Variants in COL16A1 observed in about 807,000 individuals in gnomAD.
COL16A1 encodes collagen type XVI alpha 1 chain, also known as collagen alpha-1(XVI) chain.
COL16A1 carries 189 observed loss-of-function variants against 266.3 expected under a neutral mutation model. That is an observed-to-expected ratio of 0.71 (90% CI 0.63 to 0.80). The LOEUF is 0.80. COL16A1 is among the 30% of genes least tolerant of loss of function. The pLI is 0.00. For synonymous variants in COL16A1, 740 were observed against 782.3 expected, an observed-to-expected ratio of 0.95 and a Z score of 0.90; for missense variants, 1,928 against 2,122.4, an observed-to-expected ratio of 0.91 and a Z score of 1.80.
In COL16A1 at chr1:31,672,833, C is replaced by T. The variant is rs770542318; in HGVS notation, c.2867G>A (p.Cys956Tyr). 1.9e-6 allele frequency: 3 copies of T among 1,613,956 alleles called. No homozygotes were observed. The change falls in exon 45 of 71, where the codon TGC becomes TAC. Residue 956 changes from cysteine to tyrosine, a missense_variant. Cys to Tyr is a radical substitution (Grantham distance 194). Around this residue, in one of 2 missense-constraint regions of COL16A1, gnomAD observed 1,552 missense variants for 1,637.2 expected, o/e 0.95. Transcript: ENST00000373672. Reference protein sequence around the residue: ...PIEQHLLKSICGDCVQGQRAH... With the variant: ...PIEQHLLKSIYGDCVQGQRAH... ...CCTCTGCCCCTGGACACAGTCCCCG[C>T]AGATACTCTGATCAGGGAGTGGGGA...
chr1:31,683,467 G>A lies in COL16A1; in HGVS notation c.2380-98C>T, dbSNP rs943635109. ...CAGACCTGGTCTGGGTGGGGTATCTGCCAGCCCAAATTCAGAAGAGCTCCC... is the reference window on the plus strand; with the variant it reads ...CAGACCTGGTCTGGGTGGGGTATCTACCAGCCCAAATTCAGAAGAGCTCCC... On this transcript the variant is annotated intron_variant, in intron 34 of 70. Transcript: ENST00000373672. 1.2e-5 allele frequency: 19 copies of A among 1,603,248 alleles called. No homozygotes were observed. In the African/African-American group the frequency reaches 2.1e-4, roughly 18 times the overall value.
Position 31,692,595 on chromosome 1 carries a change from C to T in COL16A1, c.1158+3G>A. Reference sequence around the variant, plus strand: ...CCTGCCCTATCCCTGGTCCCACACTCACCAGAGCTCCTGACTCCCCCTTCT... The same window carrying T: ...CCTGCCCTATCCCTGGTCCCACACTTACCAGAGCTCCTGACTCCCCCTTCT... On this transcript the variant is annotated splice_donor_region_variant and intron_variant, in intron 15 of 70. Coordinates refer to ENST00000373672, the MANE Select transcript of COL16A1 (RefSeq NM_001856.4). The T allele has an allele frequency of 6.2e-7, 1 of 1,614,150 alleles. No homozygotes were observed. Among genetic ancestry groups the T allele is most frequent in the Non-Finnish European group, 8.5e-7 (1 of 1,179,998 alleles).
In COL16A1 at chr1:31,685,226, A is replaced by AACAGTGATAATAACC. The variant is rs58633693; in HGVS notation, c.2017-385_2017-371dup. ...TGCTGGCCGTTACTGTGAAAGCAGTAACAGTGATAATAACCACAGTGGTAA... is the reference window on the plus strand; with the variant it reads ...TGCTGGCCGTTACTGTGAAAGCAGTAACAGTGATAATAACCACAGTGATAATAACCACAGTGGTAA... On this transcript the variant is annotated intron_variant, in intron 29 of 70. Coordinates refer to ENST00000373672, the MANE Select transcript of COL16A1 (RefSeq NM_001856.4). The surrounding 1 kb of genome is among the most constrained non-coding windows in gnomAD (Gnocchi z 4.0). 0.047 allele frequency among the ~76,000 whole-genome samples: 7,081 copies of AACAGTGATAATAACC among 152,168 alleles called. 561 individuals carry two copies. Among genetic ancestry groups the AACAGTGATAATAACC allele is most frequent in the African/African-American group, 0.16 (6,697 of 41,424 alleles).
chr1:31,678,257 A>G (rs1643349772), intron 42 of COL16A1, among the ~76,000 whole-genome samples: 1 of 152,162 alleles, frequency 6.6e-6, no homozygotes, highest in South Asian at 2.1e-4. Context: ...GTAGCTTGTA[A>G]AAAGCTTCCA....
Position 31,652,666 on chromosome 1 carries a change from C to A in COL16A1, c.4800G>T (p.Lys1600Asn), listed in dbSNP as rs1640726752. 1 of 1,584,436 alleles carries A rather than the reference C, an allele frequency of 6.3e-7. No homozygotes were observed. Among genetic ancestry groups the A allele is most frequent in the South Asian group, 1.2e-5 (1 of 85,806 alleles). ...GTGGGGAATTTCAGCCAAAAGGCCCCTTCATGGTTTTCATGGGTGGGTACT... is the reference window on the plus strand; with the variant it reads ...GTGGGGAATTTCAGCCAAAAGGCCCATTCATGGTTTTCATGGGTGGGTACT... ...EQQYPPMKTM[K>N]GPFG is the part of the protein sequence containing the mutation. The change falls in exon 71 of 71, where the codon AAG (lysine) becomes AAT (asparagine). Residue 1600 changes from lysine (K) to asparagine (N), a missense_variant. Lys to Asn is a moderately conservative substitution (Grantham distance 94). This residue lies in a region of COL16A1 where 376 missense variants were observed against 485.2 expected (regional missense o/e 0.77). Coordinates refer to ENST00000373672, the MANE Select transcript of COL16A1 (RefSeq NM_001856.4). This position sits in a 1 kb window ranked among gnomAD's most constrained non-coding sequence, Gnocchi z 4.8.
chr1:31,673,755 G>A (rs1296236315), intron 44 of COL16A1, among the ~76,000 whole-genome samples: 1 of 152,246 alleles, frequency 6.6e-6, no homozygotes, highest in Non-Finnish European at 1.5e-5. Context: ...GATTGGCGTG[G>A]GCCTGTCCTA....
rs1340770586 is a variant in COL16A1, at chr1:31,702,150, C to A, written c.44G>T (p.Trp15Leu). ...WAPGLWLLGL[W>L]ATFGHGANTG... ...ATTTGCCCCATGGCCGAAGGTAGCC[C>A]AAAGACCGAGCAGCCACAGGCCAGG... The change falls in exon 2 of 71, where the codon TGG becomes TTG. Residue 15 changes from tryptophan (W) to leucine (L), a missense_variant. Trp to Leu is a moderately conservative substitution (Grantham distance 61). Transcript: ENST00000373672. 1.2e-6 allele frequency: 2 copies of A among 1,614,196 alleles called. No individual in the cohort carries two copies. The highest frequency in any genetic ancestry group is 2.2e-5 in the South Asian group (2 of 91,080).
intron 22 of COL16A1, 26 bp from the exon 23 acceptor site, chr1:31,689,877 G>A (rs1252692860): frequency 1.1e-5 from 18 of 1,604,258 alleles, no homozygotes; most frequent in Non-Finnish European, 1.4e-5. Context: ...GGCAGTATGT[G>A]GACAGGGTGG....
chr1:31,671,804 G>T, intron 47 of COL16A1, 145 bp from the exon 48 acceptor site: 1 of 922,914 alleles, frequency 1.1e-6, no homozygotes, highest in Non-Finnish European at 1.7e-6. Context: ...GCTGATGTTC[G>T]AACAATCTTT....
At position 31,686,495 on chromosome 1, in the gene COL16A1, T is replaced by C. The variant is rs1034278165; in HGVS notation, c.1804-216A>G. On this transcript the variant is annotated intron_variant, in intron 26 of 70. Transcript: ENST00000373672. The stretch of plus-strand genomic sequence containing the variant: ...CTGCCCCCAGCTTCACCTCATGGAA[T>C]CCAGCCCACCCTCAGCCATGTCTCA... 3 of 708,044 alleles carry C rather than the reference T, an allele frequency of 4.2e-6. No homozygotes were observed. In the African/African-American group the frequency reaches 5.3e-5, roughly 12 times the overall value. The allele number at this position is 708,044 out of a possible 1,614,324, so 43.9% of individuals were successfully genotyped here. A position where few individuals can be genotyped will look rare whatever the true frequency, so the allele number is the denominator to read the frequency against.
chr1:31,692,543 G>T, intron 15 of COL16A1, 34 bp from the exon 16 acceptor site: 1 of 1,614,020 alleles, frequency 6.2e-7, no homozygotes, highest in Non-Finnish European at 8.5e-7. Context: ...GGAAGGGAGG[G>T]TAAGGCTGGG....
chr1:31,689,943 G>A (rs1053101663), intron 22 of COL16A1, 92 bp from the exon 23 acceptor site: 2 of 1,066,754 alleles, frequency 1.9e-6, no homozygotes, highest in Non-Finnish European at 2.8e-6. Flanking sequence ...CCTAGACATT[G>A]GGTCCACCAG....
chr1:31,665,715 C>T, intron 54 of COL16A1, 97 bp from the exon 55 acceptor site: 1 of 1,591,970 alleles, frequency 6.3e-7, no homozygotes, highest in Non-Finnish European at 8.6e-7. Flanking sequence ...CCCTCAAACC[C>T]ATGGGCTTTG....
Position 31,691,457 on chromosome 1 carries a change from C to A in COL16A1, c.1358G>T (p.Gly453Val). Residue 453 changes from glycine to valine, a missense_variant, in exon 19 of 71, where the codon GGC becomes GTC. Transcript: ENST00000373672. ...TCCTATCCCAGGGGGTCCAGGGAGG[C>A]CGGGGGGCCCAGGCTCTCCTGCCAG... ...EGLAGEPGPP[G>V]LPGPPGIGLP... 1.2e-6 allele frequency: 2 copies of A among 1,613,062 alleles called. No individual in the cohort carries two copies. The highest frequency in any genetic ancestry group is 1.7e-6 in the Non-Finnish European group (2 of 1,179,418).
intron 11 of COL16A1, among the ~76,000 whole-genome samples, chr1:31,694,595 T>C (rs544469536): frequency 6.6e-6 from 1 of 152,286 alleles, no homozygotes; most frequent in Admixed American, 6.5e-5. Flanking sequence ...GTTGTGCCCT[T>C]GGTGGACCAA....
At position 31,654,030 on chromosome 1, in the gene COL16A1, G is replaced by A. The variant is rs1640878320; in HGVS notation, c.4371C>T (p.Tyr1457=). 6.2e-7 allele frequency: 1 copy of A among 1,613,858 alleles called. No individual in the cohort carries two copies. The change falls in exon 69 of 71, where the codon TAC becomes TAT. Residue 1457 remains tyrosine (Y), a synonymous_variant. Coordinates refer to ENST00000373672, the MANE Select transcript of COL16A1 (RefSeq NM_001856.4). Reference sequence around the variant, plus strand: ...TGGGGAACTGCATCCTGGAGGTGTAGTAAGCCATTCTCTCTGTAAAAAAAG... The same window carrying A: ...TGGGGAACTGCATCCTGGAGGTGTAATAAGCCATTCTCTCTGTAAAAAAAG... The part of the protein sequence containing the change: ...IIKMFDERMA[Y]YTSRMQFPME...
chr1:31,692,412 C>T lies in COL16A1; in HGVS notation c.1194+62G>A, dbSNP rs2148811150. 3 of 1,567,128 alleles carry T rather than the reference C, an allele frequency of 1.9e-6. No homozygotes were observed. The South Asian group carries it at 3.6e-5, about 19-fold the overall frequency. ...CTCAGAGAACCCCGACTCCTCCTTC[C>T]TCATGGCTGTAGAGCCTGCAGACCT... On this transcript the variant is annotated intron_variant, in intron 16 of 70. Coordinates refer to ENST00000373672, the MANE Select transcript of COL16A1 (RefSeq NM_001856.4).
chr1:31,680,723 G>C (rs543946578), intron 39 of COL16A1, among the ~76,000 whole-genome samples, 182 bp downstream of exon 39: 2 of 152,178 alleles, frequency 1.3e-5, no homozygotes, highest in African/African-American at 4.8e-5. Context: ...GTAGCAAGGA[G>C]CCCAGGATGC....
intron 8 of COL16A1, 72 bp from the exon 9 acceptor site, chr1:31,696,213 C>A: frequency 2.1e-6 from 3 of 1,398,702 alleles, no homozygotes; most frequent in Non-Finnish European, 3.0e-6. Flanking sequence ...AAGGGGCACC[C>A]AGGCAGGGGG....
Sources: allele counts gnomAD v4.1 joint callset (sites outside exome capture counted in the v4.1 genomes callset), GRCh38; gene constraint gnomAD v4.1.1; regional missense constraint gnomAD v4.1.1; non-coding constraint Gnocchi (gnomAD v3.1); transcripts MANE v1.5; gene names NCBI Gene and HGNC (gene_info 2026-07-23, HGNC 2026-07-21).